NALCN: variants seen among roughly 807,000 people sequenced by gnomAD.
NALCN encodes the protein sodium leak channel NALCN.
In NALCN, 111 loss-of-function variants were observed where a neutral mutation model predicts 225.3. That is an observed-to-expected ratio of 0.49 (90% confidence interval 0.42 to 0.58). The LOEUF is 0.58. NALCN is among the 20% of genes least tolerant of loss of function. NALCN has a pLI of 0.00. For synonymous variants in NALCN, 764 were observed against 769.0 expected, an observed-to-expected ratio of 0.99 and a Z score of 0.11; for missense variants, 1,378 against 2,202.4, an observed-to-expected ratio of 0.63 and a Z score of 7.49.
chr13:101,301,037 A>G lies in NALCN; in HGVS notation c.800-8671T>C, dbSNP rs190696469. Among the ~76,000 whole-genome samples the G allele has an allele frequency of 4.7e-3, 714 of 152,346 alleles. 3 individuals carry two copies. Among genetic ancestry groups the G allele is most frequent in the Non-Finnish European group, 6.0e-3 (410 of 68,040 alleles). On this transcript the variant is annotated intron_variant, in intron 7 of 43. Coordinates refer to ENST00000251127, the MANE Select transcript of NALCN (RefSeq NM_052867.4). ...TCTAAGTTAATTTTTTATAAGTAAT[A>G]AAGAATCATAGTTGAAATATGTTTC...
At chr13:101,123,814 G>A (rs578204763) in intron 18 of NALCN, among the ~76,000 whole-genome samples, 12 of 152,236 alleles carry the variant, frequency 7.9e-5, no homozygotes, top group Non-Finnish European at 1.6e-4. Flanking sequence ...ATGCATTCTG[G>A]AGAGAATGCA....
intron 3 of NALCN, among the ~76,000 whole-genome samples, chr13:101,380,394 T>C (rs1322077910): frequency 6.6e-6 from 1 of 152,166 alleles, no homozygotes; most frequent in East Asian, 1.9e-4. Context: ...TTTAATAACA[T>C]GGGAATTTAA....
At chr13:101,107,815 G>A in intron 20 of NALCN, 26 bp from the exon 21 acceptor site, 2 of 1,588,192 alleles carry the variant, frequency 1.3e-6, no homozygotes, top group East Asian at 4.5e-5. Flanking sequence ...CAGGGGGTGT[G>A]TTAAAACAGG....
intron 17 of NALCN, among the ~76,000 whole-genome samples, chr13:101,131,963 A>G (rs995683054): frequency 6.6e-6 from 1 of 151,974 alleles, no homozygotes; most frequent in African/African-American, 2.4e-5. Context: ...AATTTCAATT[A>G]TGTTGATATT....
Position 101,107,787 on chromosome 13 carries a change from A to G in NALCN, c.2367T>C (p.His789=), listed in dbSNP as rs1400886694. Residue 789 remains histidine (H), a splice_region_variant and synonymous_variant, in exon 21 of 44, where the codon CAT becomes CAC. Coordinates refer to ENST00000251127, the MANE Select transcript of NALCN (RefSeq NM_052867.4). ...GKSLETLTQD[H]SNTVRYRNAQ... ...CATTTCTATATCTCACTGTATTGGAATGCTAGAAATAAATTAACAGGGGGT... is the reference window on the plus strand; with the variant it reads ...CATTTCTATATCTCACTGTATTGGAGTGCTAGAAATAAATTAACAGGGGGT... 1 of 1,609,236 alleles carries G rather than the reference A, an allele frequency of 6.2e-7. No individual in the cohort carries two copies. The highest frequency in any genetic ancestry group is 1.7e-5 in the Admixed American group (1 of 59,170).
intron 7 of NALCN, among the ~76,000 whole-genome samples, chr13:101,340,266 TCAAACAAA>T: frequency 6.8e-6 from 1 of 147,540 alleles, no homozygotes; most frequent in South Asian, 2.2e-4. Context: ...AGACTCCATC[TCAAACAAA>T]CAAACAAACA....
intron 15 of NALCN, among the ~76,000 whole-genome samples, chr13:101,145,554 T>C (rs1002189907): frequency 1.3e-5 from 2 of 152,252 alleles, no homozygotes; most frequent in Non-Finnish European, 2.9e-5. Flanking sequence ...TTTCTACAAA[T>C]TGAGTTTCAG....
intron 18 of NALCN, among the ~76,000 whole-genome samples, chr13:101,120,564 G>C (rs554897495): frequency 1.0e-4 from 15 of 150,400 alleles, no homozygotes; most frequent in Non-Finnish European, 2.2e-4. Context: ...GTATTTGTTT[G>C]TTAAAGGTAA....
chr13:101,400,544 AGT>A (rs376844190), intron 1 of NALCN, among the ~76,000 whole-genome samples: 8,326 of 134,994 alleles, frequency 0.062, 313 homozygotes, highest in East Asian at 0.23. Flanking sequence ...ACATGTTTGC[AGT>A]GTGTGTGTGT....
chr13:101,213,107 C>G (rs1674239999), intron 13 of NALCN, among the ~76,000 whole-genome samples: 1 of 152,014 alleles, frequency 6.6e-6, no homozygotes, highest in Admixed American at 6.6e-5. Flanking sequence ...AGATATAGAC[C>G]AATGGAATAG....
chr13:101,309,857 G>C (rs1005385242), intron 7 of NALCN, among the ~76,000 whole-genome samples: 3 of 152,088 alleles, frequency 2.0e-5, no homozygotes, highest in African/African-American at 7.2e-5. Flanking sequence ...ACCAGCTATA[G>C]CATTTTCAAT....
At chr13:101,383,197 A>G (rs2046897208) in intron 3 of NALCN, among the ~76,000 whole-genome samples, 1 of 152,104 alleles carries the variant, frequency 6.6e-6, no homozygotes, top group South Asian at 2.1e-4. Context: ...TCCTCTGATC[A>G]CCTTAACTCA....
At position 101,356,473 on chromosome 13, in the gene NALCN, C is replaced by T. The variant is rs965919333; in HGVS notation, c.645-11053G>A. On this transcript the variant is annotated intron_variant, in intron 6 of 43. Transcript: ENST00000251127. ...AGAAATGGATAAATTCTTGGACACACGCACCCTCCCAAGAAGTTGGCTCCC... is the reference window on the plus strand; with the variant it reads ...AGAAATGGATAAATTCTTGGACACATGCACCCTCCCAAGAAGTTGGCTCCC... Among the ~76,000 whole-genome samples the T allele has an allele frequency of 9.2e-5, 14 of 151,354 alleles. No homozygotes were observed. In the South Asian group the frequency reaches 1.2e-3, roughly 13 times the overall value.
intron 13 of NALCN, among the ~76,000 whole-genome samples, chr13:101,208,829 T>A (rs2040418954): frequency 6.6e-6 from 1 of 152,232 alleles, no homozygotes. Context: ...CCTTCTGCCA[T>A]GACTGGAAGC....
intron 30 of NALCN, among the ~76,000 whole-genome samples, chr13:101,084,199 G>A (rs1286579223): frequency 6.6e-6 from 1 of 152,160 alleles, no homozygotes; most frequent in East Asian, 1.9e-4. Flanking sequence ...TTAAGGGTAT[G>A]TTGTCTTTCT....
At chr13:101,210,652 C>A (rs763731430) in intron 13 of NALCN, among the ~76,000 whole-genome samples, 2 of 152,062 alleles carry the variant, frequency 1.3e-5, no homozygotes, top group East Asian at 3.9e-4. Flanking sequence ...GAGTGCCCAC[C>A]ATTCCATTAA....
At chr13:101,101,281 C>CTTTTT (rs60948311) in intron 26 of NALCN, among the ~76,000 whole-genome samples, 22 of 112,374 alleles carry the variant, frequency 2.0e-4, no homozygotes, top group African/African-American at 3.2e-4. Context: ...ATTTTTTTTT[C>CTTTTT]TTTTTTTTTT....
intron 12 of NALCN, 32 bp from the exon 13 acceptor site, chr13:101,229,616 C>A: frequency 6.8e-7 from 1 of 1,470,570 alleles, no homozygotes; most frequent in Non-Finnish European, 9.1e-7. Flanking sequence ...TTTATTTACA[C>A]ATATGATCAT....
intron 12 of NALCN, among the ~76,000 whole-genome samples, chr13:101,233,954 T>A (rs1183389162): frequency 6.6e-6 from 1 of 152,142 alleles, no homozygotes; most frequent in Non-Finnish European, 1.5e-5. Flanking sequence ...AACACATCAA[T>A]CATGCACCCA....
Sources: allele counts gnomAD v4.1 joint callset (sites outside exome capture counted in the v4.1 genomes callset), GRCh38; gene constraint gnomAD v4.1.1; transcripts MANE v1.5; gene names NCBI Gene and HGNC (gene_info 2026-07-23, HGNC 2026-07-21).